The following ZNF354C variants were observed in gnomAD, a reference collection of about 807,000 sequenced individuals.
ZNF354C encodes KRAB-zinc finger protein synten.
A neutral mutation model predicts 12.4 loss-of-function variants in ZNF354C; 7 were observed. The ratio of observed to expected loss-of-function variants is 0.56; its 90% CI spans 0.32 to 1.06. The LOEUF is 1.06. Among genes scored for constraint, ZNF354C ranks in the 50% least tolerant of loss-of-function variants. The pLI, the probability that ZNF354C is intolerant of heterozygous loss-of-function variation, is 0.04. For missense variants in ZNF354C, 609 were observed against 658.0 expected, an observed-to-expected ratio of 0.93 and a Z score of 0.81; for synonymous variants, 202 against 224.5, an observed-to-expected ratio of 0.90 and a Z score of 0.90.
chr5:179,075,384 T>C (rs1232057026), intron 2 of ZNF354C, among the ~76,000 whole-genome samples: 1 of 151,674 alleles, frequency 6.6e-6, no homozygotes, highest in African/African-American at 2.4e-5. Context: ...ATTGCACCAC[T>C]GCACTCCAGC....
rs1241499077 is a variant in ZNF354C at position 179,076,503 on chromosome 5, T to G, written c.86T>G (p.Leu29Arg). The G allele has an allele frequency of 1.9e-6, 3 of 1,614,112 alleles. No individual in the cohort carries two copies. The highest frequency in any genetic ancestry group is 2.2e-5 in the South Asian group (2 of 91,090). ...TTCAGCCAGGACGAGTGGTTGCACC[T>G]GGACTCTGCCCAGAGGGCCTTGTAC... ...VFFSQDEWLH[L>R]DSAQRALYRE... The change falls in exon 3 of 5, where the codon CTG (leucine) becomes CGG (arginine). Residue 29 changes from leucine to arginine, a missense_variant. Coordinates refer to ENST00000315475, the MANE Select transcript of ZNF354C (RefSeq NM_014594.3).
intron 2 of ZNF354C, among the ~76,000 whole-genome samples, chr5:179,066,614 C>T (rs1166670556): frequency 1.3e-5 from 2 of 152,200 alleles, no homozygotes; most frequent in Admixed American, 6.5e-5. Flanking sequence ...GATAATTTCC[C>T]TGGATATTGA....
chr5:179,074,211 G>A (rs886068268), intron 2 of ZNF354C, among the ~76,000 whole-genome samples: 1 of 151,998 alleles, frequency 6.6e-6, no homozygotes. Context: ...TCCATCTCTT[G>A]ACCTCGTGAT....
intron 2 of ZNF354C, among the ~76,000 whole-genome samples, chr5:179,068,976 G>GTA (rs1219102203): frequency 6.6e-6 from 1 of 152,168 alleles, no homozygotes; most frequent in Non-Finnish European, 1.5e-5. Flanking sequence ...GCACATGCCG[G>GTA]TATTAGATTA....
chr5:179,077,212 A>G lies in ZNF354C; in HGVS notation c.250+46A>G, dbSNP rs375500820. On this transcript the variant is annotated intron_variant, in intron 4 of 4. Coordinates refer to ENST00000315475, the MANE Select transcript of ZNF354C (RefSeq NM_014594.3). ...TGGGCACAAGGGGTTCTTTATAGAC[A>G]AGTAGGTCACAAAGAGGCAGTTCTT... 80 of 1,490,562 alleles carry G rather than the reference A, an allele frequency of 5.4e-5. 1 individual carries two copies. The African/African-American group carries it at 1.0e-3, about 19-fold the overall frequency. 92.3% of individuals were successfully genotyped at this position (1,490,562 alleles called of 1,614,324 possible). A position where few individuals can be genotyped will look rare whatever the true frequency, so the allele number is the denominator to read the frequency against.
At chr5:179,070,797 G>A (rs1346902938) in intron 2 of ZNF354C, among the ~76,000 whole-genome samples, 3 of 149,014 alleles carry the variant, frequency 2.0e-5, no homozygotes, top group Non-Finnish European at 3.0e-5. Context: ...TCCTTATGCA[G>A]CACTCTCTCA....
At position 179,082,472 on chromosome 5, in the gene ZNF354C, T is replaced by A. The variant is rs1335797570; in HGVS notation, c.*2375T>A. On this transcript the variant is annotated 3_prime_UTR_variant, in exon 5 of 5. Transcript: ENST00000315475. ...TGGTATAGGACAACTGGACTTTTTT[T>A]TATATATTTATTTTAAAATGGTTTT... is the stretch of plus-strand genomic sequence containing the variant. The A allele has an allele frequency of 5.5e-6, 3 of 541,870 alleles. No individual in the cohort carries two copies. The highest frequency in any genetic ancestry group is 6.5e-6 in the Non-Finnish European group (2 of 306,826). 33.6% of individuals were successfully genotyped at this position (541,870 alleles called of 1,614,324 possible).
At position 179,079,007 on chromosome 5, in the gene ZNF354C, C is replaced by T. The variant is rs751981796; in HGVS notation, c.575C>T (p.Thr192Ile). Reference sequence around the variant, plus strand: ...GAAAGGATACCCAATATGTATTATACATTTGGGAAAGATTTTAAACAGAAT... The same window carrying T: ...GAAAGGATACCCAATATGTATTATATATTTGGGAAAGATTTTAAACAGAAT... ...PIERIPNMYY[T>I]FGKDFKQNFD... The change falls in exon 5 of 5, where the codon ACA (threonine) becomes ATA (isoleucine). Residue 192 changes from threonine (T) to isoleucine (I), a missense_variant. By Grantham distance (89) the Thr-to-Ile change is moderately conservative. Transcript: ENST00000315475. This position sits in a 1 kb window ranked among gnomAD's most constrained non-coding sequence, Gnocchi z 4.2. The T allele has an allele frequency of 6.2e-7, 1 of 1,612,982 alleles. No individual in the cohort carries two copies. Among genetic ancestry groups the T allele is most frequent in the Non-Finnish European group, 8.5e-7 (1 of 1,179,776 alleles).
chr5:179,068,047 G>C (rs983812580), intron 2 of ZNF354C, among the ~76,000 whole-genome samples: 7 of 152,064 alleles, frequency 4.6e-5, no homozygotes, highest in African/African-American at 1.7e-4. Context: ...TATAGTCCCA[G>C]CTACTCGGGA....
chr5:179,074,029 G>T (rs921345028), intron 2 of ZNF354C, among the ~76,000 whole-genome samples: 7 of 151,978 alleles, frequency 4.6e-5, no homozygotes, highest in African/African-American at 1.7e-4. Context: ...TGTCTCCCAG[G>T]CTGGAGTGCA....
At chr5:179,071,846 C>T (rs1313830020) in intron 2 of ZNF354C, among the ~76,000 whole-genome samples, 1 of 152,166 alleles carries the variant, frequency 6.6e-6, no homozygotes, top group African/African-American at 2.4e-5. Flanking sequence ...ATGCACAGGA[C>T]AGACTCAAAG....
chr5:179,069,723 G>A (rs547971300), intron 2 of ZNF354C, among the ~76,000 whole-genome samples: 22 of 151,760 alleles, frequency 1.4e-4, no homozygotes, highest in African/African-American at 4.4e-4. Context: ...AAAATTAGCC[G>A]GGCGCGGTGG....
intron 4 of ZNF354C, 118 bp downstream of exon 4, chr5:179,077,284 T>C (rs1414344151): frequency 2.7e-6 from 2 of 751,486 alleles, no homozygotes; most frequent in East Asian, 5.3e-5. Flanking sequence ...CTCAGGCCAG[T>C]TGTATTTTGT....
chr5:179,079,629 T>G lies in ZNF354C; in HGVS notation c.1197T>G (p.Leu399=), dbSNP rs773811959. The part of the protein sequence containing the change: ...CGRTFTRIVT[L]IEHQRIHTGQ... ...GAACCTTCACACGTATTGTAACCCT[T>G]ATCGAACATCAGCGAATTCACACTG... Residue 399 remains leucine (L), a synonymous_variant, in exon 5 of 5, where the codon CTT becomes CTG. Transcript: ENST00000315475. The surrounding 1 kb of genome is among the most constrained non-coding windows in gnomAD (Gnocchi z 4.2). 1 of 1,614,158 alleles carries G rather than the reference T, an allele frequency of 6.2e-7. No homozygotes were observed. Among genetic ancestry groups the G allele is most frequent in the Admixed American group, 1.7e-5 (1 of 60,024 alleles).
chr5:179,082,190 T>C lies in ZNF354C; in HGVS notation c.*2093T>C, dbSNP rs1315525714. 2 of 153,268 alleles carry C rather than the reference T, an allele frequency of 1.3e-5. No homozygotes were observed. Among genetic ancestry groups the C allele is most frequent in the Non-Finnish European group, 2.9e-5 (2 of 68,890 alleles). The allele number at this position is 153,268 out of a possible 1,614,324, so 9.5% of individuals were successfully genotyped here. On this transcript the variant is annotated 3_prime_UTR_variant, in exon 5 of 5. Coordinates refer to ENST00000315475, the MANE Select transcript of ZNF354C (RefSeq NM_014594.3). ...GGTGTCAGAACATCACAGATATCTA[T>C]TGCAAAAGAATTGCCTTTACAGTGA... is the stretch of plus-strand genomic sequence containing the variant.
chr5:179,083,127 C>CAA lies in ZNF354C; in HGVS notation c.*3034_*3035dup. The CAA allele has an allele frequency of 1.8e-6, 1 of 550,560 alleles. No individual in the cohort carries two copies. The highest frequency in any genetic ancestry group is 3.3e-6 in the Non-Finnish European group (1 of 303,248). 34.1% of individuals were successfully genotyped at this position (550,560 alleles called of 1,614,324 possible). ...TTTTCAAAAAGCAAATGTAGTAAAA[C>CAA]AAAAAGTGGTCTCTGCTAGATTAAG... On this transcript the variant is annotated 3_prime_UTR_variant, in exon 5 of 5. Coordinates refer to ENST00000315475, the MANE Select transcript of ZNF354C (RefSeq NM_014594.3).
intron 2 of ZNF354C, among the ~76,000 whole-genome samples, chr5:179,064,231 T>TTTG (rs922460607): frequency 4.6e-5 from 7 of 151,996 alleles, no homozygotes; most frequent in Admixed American, 1.3e-4. Context: ...TTTGTGGGTT[T>TTTG]TTGTTGTTGT....
chr5:179,066,161 T>C (rs1385823356), intron 2 of ZNF354C, among the ~76,000 whole-genome samples: 1 of 152,254 alleles, frequency 6.6e-6, no homozygotes, highest in Non-Finnish European at 1.5e-5. Context: ...TCTGTACATA[T>C]CAATTATGCT....
Position 179,060,391 on chromosome 5 carries a change from G to A in ZNF354C, c.-330G>A, listed in dbSNP as rs778446780. The A allele has an allele frequency of 6.6e-6, 1 of 152,398 alleles. No homozygotes were observed. The highest frequency in any genetic ancestry group is 1.5e-5 in the Non-Finnish European group (1 of 68,152). 9.4% of individuals were successfully genotyped at this position (152,398 alleles called of 1,614,324 possible). On this transcript the variant is annotated 5_prime_UTR_variant, in exon 1 of 5. Coordinates refer to ENST00000315475, the MANE Select transcript of ZNF354C (RefSeq NM_014594.3). The surrounding 1 kb of genome is among the most constrained non-coding windows in gnomAD (Gnocchi z 4.2). ...GAGTGGTAGTTCTCCCGCGGTTGGCGGGGTTTCGGGGACAGCTCGCGGCCT... is the reference window on the plus strand; with the variant it reads ...GAGTGGTAGTTCTCCCGCGGTTGGCAGGGTTTCGGGGACAGCTCGCGGCCT...
Sources: gnomAD v4.1 joint callset for allele counts (sites outside exome capture counted in the v4.1 genomes callset) on GRCh38, gnomAD v4.1.1 for gene constraint, Gnocchi (gnomAD v3.1) non-coding constraint, MANE v1.5 for transcripts, NCBI Gene and HGNC (gene_info 2026-07-23, HGNC 2026-07-21) for gene names.